ATP6V0D2: variants seen among roughly 807,000 people sequenced by gnomAD.
ATP6V0D2 encodes the protein V-type proton ATPase subunit d 2.
In ATP6V0D2, 40 loss-of-function variants were observed where a neutral mutation model predicts 40.0. That is an observed-to-expected ratio of 1.00 (90% CI 0.78 to 1.30). ATP6V0D2 has a LOEUF of 1.30. Ranked by LOEUF, ATP6V0D2 falls within the 50% of genes most tolerant of loss-of-function variation. ATP6V0D2 has a pLI of 0.00. For missense variants in ATP6V0D2, 470 were observed against 423.1 expected, an observed-to-expected ratio of 1.11 and a Z score of -0.97; for synonymous variants, 179 against 156.3, an observed-to-expected ratio of 1.15 and a Z score of -1.08.
intron 1 of ATP6V0D2, among the ~76,000 whole-genome samples, chr8:86,101,783 G>A (rs58936640): frequency 0.027 from 4,102 of 152,138 alleles, 178 homozygotes; most frequent in African/African-American, 0.094. Context: ...CAGCGTCAGG[G>A]GATGAGAAAC....
In ATP6V0D2 at chr8:86,101,148, A is replaced by G. The variant is rs199869041; in HGVS notation, c.130+2040A>G. Among the ~76,000 whole-genome samples the G allele has an allele frequency of 2.7e-4, 40 of 147,076 alleles. No homozygotes were observed. In the East Asian group the frequency reaches 7.4e-3, roughly 27 times the overall value. ...GGTGACACAGTGAAATTCTGTCTCA[A>G]AAAAAAAAAAAAAGAATTCTAGAAA... On this transcript the variant is annotated intron_variant, in intron 1 of 7. Coordinates refer to ENST00000285393, the MANE Select transcript of ATP6V0D2 (RefSeq NM_152565.1).
chr8:86,154,100 T>C lies in ATP6V0D2; in HGVS notation c.*1123T>C, dbSNP rs1488209393. On this transcript the variant is annotated 3_prime_UTR_variant, in exon 8 of 8. Coordinates refer to ENST00000285393, the MANE Select transcript of ATP6V0D2 (RefSeq NM_152565.1). The stretch of plus-strand genomic sequence containing the variant: ...CTTATTTTGTTTTTGTTTTCTAATA[T>C]ACTTTGATGTAATCAGCTTGAGAAA... 6.6e-6 allele frequency: 1 copy of C among 152,152 alleles called. No homozygotes were observed. Among genetic ancestry groups the C allele is most frequent in the Non-Finnish European group, 1.5e-5 (1 of 68,026 alleles). 9.4% of individuals were successfully genotyped at this position (152,152 alleles called of 1,614,324 possible). A position where few individuals can be genotyped will look rare whatever the true frequency, so the allele number is the denominator to read the frequency against.
chr8:86,145,195 A>AAAAGAAAGAAAGAAAAGAAAG, intron 5 of ATP6V0D2, among the ~76,000 whole-genome samples: 1 of 14,592 alleles, frequency 6.9e-5, no homozygotes. Context: ...AGAAAGAAAG[A>AAAAGAAAGAAAGAAAAGAAAG]AAAGAAAGAA....
intron 2 of ATP6V0D2, among the ~76,000 whole-genome samples, chr8:86,122,869 T>C (rs1818688046): frequency 6.6e-6 from 1 of 152,122 alleles, no homozygotes. Context: ...AACCTAGACA[T>C]GAGTAGGGAG....
intron 2 of ATP6V0D2, among the ~76,000 whole-genome samples, chr8:86,123,729 T>G (rs965732253): frequency 6.6e-6 from 1 of 152,204 alleles, no homozygotes; most frequent in African/African-American, 2.4e-5. Context: ...TCAAAGAGAC[T>G]AGGAAGACCA....
Position 86,099,259 on chromosome 8 carries a change from A to G in ATP6V0D2, c.130+151A>G, listed in dbSNP as rs934394278. The G allele has an allele frequency of 2.6e-5, 20 of 764,418 alleles. 1 individual carries two copies. The highest frequency in any genetic ancestry group is 3.7e-5 in the Non-Finnish European group (20 of 534,618). The allele number at this position is 764,418 out of a possible 1,614,324, so 47.4% of individuals were successfully genotyped here. ...CCTGCAGTCCAGATTTCTGGGGTCC[A>G]TAAACTTGAATGAGGAAAAAAAAAT... On this transcript the variant is annotated intron_variant, in intron 1 of 7. Coordinates refer to ENST00000285393, the MANE Select transcript of ATP6V0D2 (RefSeq NM_152565.1).
chr8:86,110,099 A>C (rs1163860610), intron 1 of ATP6V0D2, among the ~76,000 whole-genome samples: 1 of 152,050 alleles, frequency 6.6e-6, no homozygotes, highest in Admixed American at 6.6e-5. Flanking sequence ...TTTATTTTAT[A>C]TTTTATTTTT....
intron 2 of ATP6V0D2, among the ~76,000 whole-genome samples, chr8:86,123,425 T>C (rs765773575): frequency 1.3e-5 from 2 of 152,210 alleles, no homozygotes; most frequent in Non-Finnish European, 2.9e-5. Flanking sequence ...GCTGATCGGA[T>C]GTATATCTTA....
At position 86,153,764 on chromosome 8, in the gene ATP6V0D2, T is replaced by TATTG. The variant is rs1819190934; in HGVS notation, c.*787_*788insATTG. ...GTTGGAAAATGTGTTTTTTGTTTTG[T>TATTG]TTTGTTTTGTTTCGTTTTGTTTTGA... On this transcript the variant is annotated 3_prime_UTR_variant, in exon 8 of 8. Coordinates refer to ENST00000285393, the MANE Select transcript of ATP6V0D2 (RefSeq NM_152565.1). 2 of 152,204 alleles carry TATTG rather than the reference T, an allele frequency of 1.3e-5. No individual in the cohort carries two copies. Among genetic ancestry groups the TATTG allele is most frequent in the African/African-American group, 4.8e-5 (2 of 41,480 alleles). The allele number at this position is 152,204 out of a possible 1,614,324, so 9.4% of individuals were successfully genotyped here.
rs1213787712 is a variant in ATP6V0D2, at chr8:86,099,016, A to G, written c.38A>G (p.His13Arg). Residue 13 changes from histidine to arginine, a missense_variant, in exon 1 of 8, where the codon CAT becomes CGT. His to Arg is a conservative substitution (Grantham distance 29, BLOSUM62 0). Coordinates refer to ENST00000285393, the MANE Select transcript of ATP6V0D2 (RefSeq NM_152565.1). ...EGAELYFNVDHGYLEGLVRGC... is the reference protein window; with the variant it reads ...EGAELYFNVDRGYLEGLVRGC... ...GCGGAGCTGTACTTCAACGTGGACCATGGCTACCTGGAGGGCCTGGTTCGA... is the reference window on the plus strand; with the variant it reads ...GCGGAGCTGTACTTCAACGTGGACCGTGGCTACCTGGAGGGCCTGGTTCGA... 27 of 1,614,020 alleles carry G rather than the reference A, an allele frequency of 1.7e-5. No individual in the cohort carries two copies. The highest frequency in any genetic ancestry group is 1.9e-5 in the Non-Finnish European group (23 of 1,179,996).
intron 2 of ATP6V0D2, among the ~76,000 whole-genome samples, chr8:86,129,856 A>C (rs941268597): frequency 3.3e-5 from 5 of 151,378 alleles, no homozygotes; most frequent in Non-Finnish European, 7.4e-5. Context: ...GCATGCCTGT[A>C]GCCGCAGTTA....
chr8:86,149,499 G>A (rs1047798503), intron 5 of ATP6V0D2, among the ~76,000 whole-genome samples: 8 of 152,108 alleles, frequency 5.3e-5, no homozygotes, highest in African/African-American at 1.2e-4. Flanking sequence ...AACTTCTTGC[G>A]AGAAAGATGA....
At chr8:86,125,035 T>C (rs1818721906) in intron 2 of ATP6V0D2, among the ~76,000 whole-genome samples, 1 of 152,124 alleles carries the variant, frequency 6.6e-6, no homozygotes, top group Non-Finnish European at 1.5e-5. Context: ...TAAGCGTTTG[T>C]AGGTGGACAT....
intron 2 of ATP6V0D2, among the ~76,000 whole-genome samples, chr8:86,114,649 G>A (rs1364863723): frequency 3.3e-5 from 5 of 151,058 alleles, no homozygotes; most frequent in African/African-American, 4.9e-5. Context: ...CAGCGAGGGC[G>A]ACAGAATGAG....
intron 1 of ATP6V0D2, among the ~76,000 whole-genome samples, chr8:86,110,309 G>T (rs1005720837): frequency 6.6e-6 from 1 of 152,118 alleles, no homozygotes; most frequent in African/African-American, 2.4e-5. Context: ...TGGCCAGGTT[G>T]GTCTTGAACT....
Position 86,113,713 on chromosome 8 carries a change from G to A in ATP6V0D2, c.135G>A (p.Leu45=). The A allele has an allele frequency of 6.3e-7, 1 of 1,593,716 alleles. No homozygotes were observed. Reference sequence around the variant, plus strand: ...TGGGGTTTCATTTAATTTCAGACCTGAAAATTCATCTCCAGACTACTGATT... The same window carrying A: ...TGGGGTTTCATTTAATTTCAGACCTAAAAATTCATCTCCAGACTACTGATT... ...NLVQCETLED[L]KIHLQTTDYG... The change falls in exon 2 of 8, where the codon CTG becomes CTA. Residue 45 remains leucine, a synonymous_variant. Coordinates refer to ENST00000285393, the MANE Select transcript of ATP6V0D2 (RefSeq NM_152565.1).
At chr8:86,121,022 A>T (rs558520862) in intron 2 of ATP6V0D2, among the ~76,000 whole-genome samples, 2 of 152,242 alleles carry the variant, frequency 1.3e-5, no homozygotes, top group East Asian at 3.9e-4. Context: ...TGCACATCTG[A>T]TTTAAAATGT....
chr8:86,150,145 C>G lies in ATP6V0D2; in HGVS notation c.673C>G (p.Leu225Val). The G allele has an allele frequency of 1.2e-6, 2 of 1,613,682 alleles. No homozygotes were observed. The highest frequency in any genetic ancestry group is 1.7e-6 in the Non-Finnish European group (2 of 1,179,870). The part of the protein sequence containing the change: ...EADRRAFIIT[L>V]NSFGTELSKE... ...CGACAGACGTGCTTTTATCATCACT[C>G]TTAACTCCTTTGGCACTGAATTGAG... Residue 225 changes from leucine (L) to valine (V), a missense_variant, in exon 6 of 8, where the codon CTT becomes GTT. Transcript: ENST00000285393.
At chr8:86,136,818 T>C (rs991863460) in intron 2 of ATP6V0D2, among the ~76,000 whole-genome samples, 2 of 152,132 alleles carry the variant, frequency 1.3e-5, no homozygotes, top group Non-Finnish European at 2.9e-5. Flanking sequence ...TAAATTTTCA[T>C]CCAGTAAAAA....
Sources: allele counts gnomAD v4.1 joint callset (sites outside exome capture counted in the v4.1 genomes callset), GRCh38; gene constraint gnomAD v4.1.1; transcripts MANE v1.5; gene names NCBI Gene and HGNC (gene_info 2026-07-23, HGNC 2026-07-21).